The following ITGAV variants were observed in gnomAD, a reference collection of about 807,000 sequenced individuals.
The protein encoded by ITGAV is integrin alpha-V.
In ITGAV, 76 loss-of-function variants were observed where a neutral mutation model predicts 143.8. The ratio of observed to expected loss-of-function variants is 0.53; its 90% CI spans 0.44 to 0.64. The LOEUF (loss-of-function observed/expected upper bound fraction) is 0.64, where lower values mean the gene tolerates loss of function less well. Ranked by LOEUF, ITGAV falls within the 30% of genes least tolerant of loss-of-function variation. The pLI is 0.00. For missense variants in ITGAV, 1,193 were observed against 1,274.7 expected (o/e 0.94, Z 0.98); for synonymous variants, 453 against 446.7 (o/e 1.01, Z -0.18).
At chr2:186,659,904 A>G (rs1316930482) in intron 18 of ITGAV, among the ~76,000 whole-genome samples, 1 of 151,866 alleles carries the variant, frequency 6.6e-6, no homozygotes. Flanking sequence ...TACATTAATA[A>G]TCATAGTATA....
chr2:186,636,026 G>A (rs1687937692), intron 6 of ITGAV, 56 bp from the exon 7 acceptor site: 1 of 1,458,842 alleles, frequency 6.9e-7, no homozygotes, highest in South Asian at 1.2e-5. Flanking sequence ...TACATTATCT[G>A]TATCATAAAG....
rs1686922070 is a variant in ITGAV, at chr2:186,602,018, T to C, written c.186-3T>C. ...ACTTTGGTCTGCCGCTTTTGTATTT[T>C]AGCCGGATGTTTCTTCTCGTGGGAG... On this transcript the variant is annotated splice_region_variant and splice_polypyrimidine_tract_variant and intron_variant, in intron 1 of 29. Coordinates refer to ENST00000261023, the MANE Select transcript of ITGAV (RefSeq NM_002210.5). 1.9e-6 allele frequency: 3 copies of C among 1,605,770 alleles called. No individual in the cohort carries two copies. Among genetic ancestry groups the C allele is most frequent in the South Asian group, 1.1e-5 (1 of 88,742 alleles).
At chr2:186,674,993 C>T (rs969265326) in intron 26 of ITGAV, among the ~76,000 whole-genome samples, 4 of 152,152 alleles carry the variant, frequency 2.6e-5, no homozygotes, top group Admixed American at 6.5e-5. Flanking sequence ...TACTCCTAAT[C>T]GTCAACAAAT....
In ITGAV at chr2:186,641,464, C is replaced by A. The variant is rs1307153766; in HGVS notation, c.1035C>A (p.Val345=). ...GCAAACTCCAAGAGGTGGGGCAGGT[C>A]TCAGTGTCTCTACAGAGAGCTTCAG... The part of the protein sequence containing the change: ...SDGKLQEVGQ[V]SVSLQRASGD... The change falls in exon 12 of 30, where the codon GTC becomes GTA. Residue 345 remains valine (V), a synonymous_variant. Transcript: ENST00000261023. 1 of 1,614,100 alleles carries A rather than the reference C, an allele frequency of 6.2e-7. No individual in the cohort carries two copies. The highest frequency in any genetic ancestry group is 1.3e-5 in the African/African-American group (1 of 75,014).
chr2:186,620,293 G>A (rs188083390), intron 2 of ITGAV, among the ~76,000 whole-genome samples: 1 of 152,170 alleles, frequency 6.6e-6, no homozygotes, highest in Non-Finnish European at 1.5e-5. Flanking sequence ...TTTCATCATG[G>A]GTTAGCATCA....
chr2:186,615,823 A>G (rs1191107350), intron 2 of ITGAV, among the ~76,000 whole-genome samples: 1 of 152,096 alleles, frequency 6.6e-6, no homozygotes, highest in Non-Finnish European at 1.5e-5. Context: ...ATTGGCTAAT[A>G]TATCTACTCT....
At chr2:186,600,307 C>T (rs1330753675) in intron 1 of ITGAV, 2 of 1,538,208 alleles carry the variant, frequency 1.3e-6, no homozygotes, top group Non-Finnish European at 8.8e-7. Flanking sequence ...ATCCCCACCC[C>T]CCACTCCCCT....
intron 2 of ITGAV, among the ~76,000 whole-genome samples, chr2:186,614,494 A>G (rs554471116): frequency 3.9e-5 from 6 of 152,098 alleles, no homozygotes; most frequent in East Asian, 3.8e-4. Context: ...TTTCTGATAC[A>G]TATTTGCCAA....
At chr2:186,593,809 AG>A (rs2105643851) in intron 1 of ITGAV, among the ~76,000 whole-genome samples, 1 of 152,318 alleles carries the variant, frequency 6.6e-6, no homozygotes, top group East Asian at 1.9e-4. Flanking sequence ...AAGGAAGGGA[AG>A]GATCCGAAGA....
intron 10 of ITGAV, among the ~76,000 whole-genome samples, chr2:186,639,806 T>G (rs534156653): frequency 6.6e-6 from 1 of 152,322 alleles, no homozygotes; most frequent in South Asian, 2.1e-4. Context: ...CGGGACAAAG[T>G]GTGTCTCAGT....
rs554828468 is a variant in ITGAV at position 186,623,564 on chromosome 2, T to C, written c.408+1134T>C. On this transcript the variant is annotated intron_variant, in intron 3 of 29. Coordinates refer to ENST00000261023, the MANE Select transcript of ITGAV (RefSeq NM_002210.5). ...ACCTAGAGGTTCCTAGCCTAACCCATGGCTGTAAGTATAATCCCCAAATCT... is the reference window on the plus strand; with the variant it reads ...ACCTAGAGGTTCCTAGCCTAACCCACGGCTGTAAGTATAATCCCCAAATCT... Among the ~76,000 whole-genome samples the C allele has an allele frequency of 2.6e-5, 4 of 152,290 alleles. No homozygotes were observed. The South Asian group carries it at 8.3e-4, about 32-fold the overall frequency.
intron 19 of ITGAV, 100 bp from the exon 20 acceptor site, chr2:186,664,394 C>A (rs962690262): frequency 6.3e-6 from 7 of 1,117,530 alleles, no homozygotes; most frequent in African/African-American, 4.7e-5. Flanking sequence ...CACTGTTGAA[C>A]ATGTCAGTGC....
intron 3 of ITGAV, among the ~76,000 whole-genome samples, chr2:186,624,003 ACT>A (rs1234608141): frequency 5.9e-5 from 9 of 152,032 alleles, no homozygotes; most frequent in African/African-American, 1.9e-4. Flanking sequence ...GCTTTCTGTC[ACT>A]CTCTGCATAA....
At chr2:186,596,765 T>C (rs902976500) in intron 1 of ITGAV, among the ~76,000 whole-genome samples, 5 of 152,216 alleles carry the variant, frequency 3.3e-5, no homozygotes, top group Admixed American at 6.5e-5. Flanking sequence ...CAGTTTTCTA[T>C]GCAAGTATTT....
At chr2:186,638,957 TTTTTC>T (rs1688027713) in intron 10 of ITGAV, among the ~76,000 whole-genome samples, 1 of 151,482 alleles carries the variant, frequency 6.6e-6, no homozygotes, top group Non-Finnish European at 1.5e-5. Flanking sequence ...AAAGACTTCC[TTTTTC>T]TTTACTGAAA....
At chr2:186,594,388 C>A (rs191313146) in intron 1 of ITGAV, among the ~76,000 whole-genome samples, 19 of 152,298 alleles carry the variant, frequency 1.2e-4, no homozygotes, top group African/African-American at 4.1e-4. Flanking sequence ...ACCTTAATAT[C>A]AGTCAGTGAT....
chr2:186,651,649 C>T (rs61762247), intron 14 of ITGAV, among the ~76,000 whole-genome samples: 2 of 152,022 alleles, frequency 1.3e-5, no homozygotes, highest in African/African-American at 2.4e-5. Context: ...ATTTTCTCCA[C>T]GGTAGTGCAG....
At chr2:186,651,862 C>A in intron 14 of ITGAV, 120 bp from the exon 15 acceptor site, 1 of 590,158 alleles carries the variant, frequency 1.7e-6, no homozygotes, top group Non-Finnish European at 3.0e-6. Flanking sequence ...TTTACTATTA[C>A]AAACAATGCT....
At chr2:186,647,587 A>T (rs1462236267) in intron 13 of ITGAV, among the ~76,000 whole-genome samples, 1 of 152,122 alleles carries the variant, frequency 6.6e-6, no homozygotes, top group African/African-American at 2.4e-5. Flanking sequence ...TCTCCCATTA[A>T]TACATGAGTT....
Sources: gnomAD v4.1 joint callset for allele counts (sites outside exome capture counted in the v4.1 genomes callset) on GRCh38, gnomAD v4.1.1 for gene constraint, MANE v1.5 for transcripts, NCBI Gene and HGNC (gene_info 2026-07-23, HGNC 2026-07-21) for gene names.